Variants in RASA2 observed in about 807,000 individuals in gnomAD.
RASA2 encodes ras GTPase-activating protein 2.
A neutral mutation model predicts 118.2 loss-of-function variants in RASA2; 155 were observed. That is an observed-to-expected ratio of 1.31 (90% CI 1.15 to 1.50). RASA2 has a LOEUF of 1.50. Among genes scored for constraint, RASA2 ranks in the 40% most tolerant of loss-of-function variants. The pLI is 0.00. For synonymous variants in RASA2, 353 were observed against 349.1 expected (o/e 1.01, Z -0.12); for missense variants, 1,016 against 1,009.6 (o/e 1.01, Z -0.09).
At chr3:141,492,893 G>A (rs2081655399) in intron 1 of RASA2, among the ~76,000 whole-genome samples, 2 of 152,180 alleles carry the variant, frequency 1.3e-5, no homozygotes, top group Non-Finnish European at 2.9e-5. Flanking sequence ...ACTGAAATGG[G>A]CCTAAGCTGT....
At chr3:141,490,044 G>A (rs1206479684) in intron 1 of RASA2, among the ~76,000 whole-genome samples, 5 of 150,418 alleles carry the variant, frequency 3.3e-5, no homozygotes, top group African/African-American at 9.8e-5. Context: ...TTTTATATGC[G>A]CTCAAACGAA....
rs1383750698 is a variant in RASA2, at chr3:141,571,439, G to A, written c.1054G>A (p.Glu352Lys). 6.2e-7 allele frequency: 1 copy of A among 1,613,526 alleles called. No individual in the cohort carries two copies. The highest frequency in any genetic ancestry group is 8.5e-7 in the Non-Finnish European group (1 of 1,179,782). Residue 352 changes from glutamate to lysine, a missense_variant, in exon 11 of 24, where the codon GAA becomes AAA. Coordinates refer to ENST00000286364, the MANE Select transcript of RASA2 (RefSeq NM_006506.5). ...ISASAAYILS[E>K]ICRDKNDAVL... Reference sequence around the variant, plus strand: ...TGCCTCAGCTGCTTACATTTTGAGTGAAATATGTCGAGATAAAAATGATGC... The same window carrying A: ...TGCCTCAGCTGCTTACATTTTGAGTAAAATATGTCGAGATAAAAATGATGC...
Position 141,540,595 on chromosome 3 carries a change from G to C in RASA2, c.513G>C (p.Gln171His), listed in dbSNP as rs1257384637. The C allele has an allele frequency of 1.9e-6, 3 of 1,611,682 alleles. No individual in the cohort carries two copies. In the South Asian group the frequency reaches 3.3e-5, roughly 18 times the overall value. Residue 171 changes from glutamine (Q) to histidine (H), a missense_variant, in exon 5 of 24, where the codon CAG becomes CAC. Physicochemically the swap from Gln to His is conservative, Grantham distance 24. This residue lies in a region of RASA2 where 896 missense variants were observed against 836.4 expected (regional missense o/e 1.07). Transcript: ENST00000286364. ...TAACGGAGAATGGAACTGTATGCCA[G>C]CAGCTTGTTGTACAGTAAGCATTTT... Reference protein sequence around the residue: ...ELITENGTVCQQLVVHIKACH... With the variant: ...ELITENGTVCHQLVVHIKACH...
chr3:141,596,625 A>G (rs1404179712), intron 19 of RASA2, among the ~76,000 whole-genome samples: 2 of 152,242 alleles, frequency 1.3e-5, no homozygotes, highest in Non-Finnish European at 2.9e-5. Context: ...CCCAATTTAA[A>G]AAGAGGACGA....
At chr3:141,555,615 A>G (rs938355261) in intron 6 of RASA2, among the ~76,000 whole-genome samples, 3 of 151,474 alleles carry the variant, frequency 2.0e-5, no homozygotes, top group Non-Finnish European at 4.4e-5. Context: ...GTGTCCGTAG[A>G]GAGAATAATA....
chr3:141,607,754 G>T lies in RASA2; in HGVS notation c.2010G>T (p.Lys670Asn). Residue 670 changes from lysine (K) to asparagine (N), a missense_variant, in exon 20 of 24, where the codon AAG becomes AAT. Around this residue, in one of 2 missense-constraint regions of RASA2, gnomAD observed 896 missense variants for 836.4 expected, o/e 1.07. Transcript: ENST00000286364. ...AACTGGAAGAGAGCTCTTTCAACAA[G>T]AAAAATGTAAGTTATGTAAATAAAT... ...VEKLEESSFN[K>N]KNMFQVIHTE... The T allele has an allele frequency of 6.3e-7, 1 of 1,586,692 alleles. No individual in the cohort carries two copies. The highest frequency in any genetic ancestry group is 8.6e-7 in the Non-Finnish European group (1 of 1,167,600).
At position 141,533,347 on chromosome 3, in the gene RASA2, T is replaced by G. The variant is rs183314429; in HGVS notation, c.450+3545T>G. ...AGAGGAAATGAATGGCATTGCTACC[T>G]CAGAGGGAGAGATGCTTGTTTCCTA... On this transcript the variant is annotated intron_variant, in intron 4 of 23. Coordinates refer to ENST00000286364, the MANE Select transcript of RASA2 (RefSeq NM_006506.5). Among the ~76,000 whole-genome samples, 112 of 152,308 alleles carry G rather than the reference T, an allele frequency of 7.4e-4. 1 individual carries two copies. Among genetic ancestry groups the G allele is most frequent in the Middle Eastern group, 3.4e-3 (1 of 294 alleles).
chr3:141,573,120 T>A, intron 12 of RASA2, 27 bp from the exon 13 acceptor site: 11 of 1,527,692 alleles, frequency 7.2e-6, no homozygotes, highest in Non-Finnish European at 7.0e-6. Context: ...TAGAAAAAAA[T>A]CATTAACTGA....
chr3:141,550,454 C>T (rs562196240), intron 5 of RASA2, among the ~76,000 whole-genome samples: 2 of 152,244 alleles, frequency 1.3e-5, no homozygotes, highest in East Asian at 3.9e-4. Context: ...ACTAAATGCA[C>T]TATGGGATCC....
intron 1 of RASA2, among the ~76,000 whole-genome samples, chr3:141,489,806 AGGTGAAATAT>A (rs1341865362): frequency 9.4e-4 from 143 of 152,278 alleles, no homozygotes; most frequent in Non-Finnish European, 1.7e-3. Context: ...ATACTTCACA[AGGTGAAATAT>A]CTGTCAGTTG....
At chr3:141,586,840 T>A (rs1260175524) in intron 19 of RASA2, 88 bp downstream of exon 19, 1 of 1,023,878 alleles carries the variant, frequency 9.8e-7, no homozygotes, top group Non-Finnish European at 1.5e-6. Flanking sequence ...GTGAATCCTT[T>A]CAGTAATATT....
rs1391586363 is a variant in RASA2 at position 141,553,819 on chromosome 3, G to A, written c.528-38G>A. The A allele has an allele frequency of 1.9e-6, 3 of 1,579,966 alleles. No homozygotes were observed. The East Asian group carries it at 6.8e-5, about 36-fold the overall frequency. Reference sequence around the variant, plus strand: ...AGATAATGTTTTATCTTGTTTAACTGGAATCTAATATGTTAAATCTCTTTT... The same window carrying A: ...AGATAATGTTTTATCTTGTTTAACTAGAATCTAATATGTTAAATCTCTTTT... On this transcript the variant is annotated intron_variant, in intron 5 of 23. Transcript: ENST00000286364.
intron 13 of RASA2, among the ~76,000 whole-genome samples, chr3:141,573,557 G>A (rs1306523048): frequency 1.3e-5 from 2 of 152,160 alleles, no homozygotes; most frequent in Admixed American, 1.3e-4. Context: ...TCAGTCAGTA[G>A]TTTCAGTGGC....
chr3:141,496,034 T>G (rs1343658707), intron 1 of RASA2, among the ~76,000 whole-genome samples: 1 of 152,214 alleles, frequency 6.6e-6, no homozygotes, highest in Non-Finnish European at 1.5e-5. Flanking sequence ...AAAAGAGGTC[T>G]GAACAGTTGT....
rs1384683218 is a variant in RASA2, at chr3:141,585,964, AC to A, written c.1753-60del. ...TTATAATTAATGACATGTAAGATAA[AC>A]TGAATTTTTTATAATGTACCTTATC... On this transcript the variant is annotated intron_variant, in intron 17 of 23. Coordinates refer to ENST00000286364, the MANE Select transcript of RASA2 (RefSeq NM_006506.5). 2.9e-6 allele frequency: 4 copies of A among 1,360,058 alleles called. No homozygotes were observed. The East Asian group carries it at 9.6e-5, about 32-fold the overall frequency. The allele number at this position is 1,360,058 out of a possible 1,614,324, so 84.2% of individuals were successfully genotyped here. A position where few individuals can be genotyped will look rare whatever the true frequency, so the allele number is the denominator to read the frequency against.
chr3:141,605,197 T>C (rs74566956), intron 19 of RASA2, among the ~76,000 whole-genome samples: 7,160 of 152,226 alleles, frequency 0.047, 565 homozygotes, highest in African/African-American at 0.16. Flanking sequence ...GGTGGATAAC[T>C]TTCTATTTGA....
intron 9 of RASA2, among the ~76,000 whole-genome samples, chr3:141,564,810 C>T (rs969026285): frequency 3.3e-5 from 5 of 152,176 alleles, no homozygotes; most frequent in African/African-American, 4.8e-5. Flanking sequence ...TTACTATTAT[C>T]ACTCTTCTCC....
chr3:141,559,671 T>C (rs190011415), intron 8 of RASA2, among the ~76,000 whole-genome samples: 18 of 152,278 alleles, frequency 1.2e-4, no homozygotes, highest in South Asian at 2.1e-4. Context: ...AAGTGCCTTC[T>C]TTCAGACTAT....
chr3:141,507,228 T>A (rs1439441792), intron 1 of RASA2, among the ~76,000 whole-genome samples: 1 of 152,142 alleles, frequency 6.6e-6, no homozygotes, highest in African/African-American at 2.4e-5. Context: ...GCCGGTGGAT[T>A]TACCCAACCA....
Sources: gnomAD v4.1 joint callset for allele counts (sites outside exome capture counted in the v4.1 genomes callset) on GRCh38, gnomAD v4.1.1 for gene constraint, gnomAD v4.1.1 regional missense constraint, MANE v1.5 for transcripts, NCBI Gene and HGNC (gene_info 2026-07-23, HGNC 2026-07-21) for gene names.